VWA8: variants seen among roughly 807,000 people sequenced by gnomAD.
VWA8 encodes the protein von Willebrand factor A domain containing 8.
Under a neutral mutation model 241.5 loss-of-function variants are expected in VWA8, and 221 were observed. The observed-to-expected ratio is 0.91, with a 90% CI of 0.82 to 1.02. The LOEUF is 1.02. Among genes scored for constraint, VWA8 ranks in the 50% least tolerant of loss-of-function variants. The pLI is 0.00. For missense variants in VWA8, 2,322 were observed against 2,328.7 expected (o/e 1.00, Z 0.06); for synonymous variants, 852 against 827.1 (o/e 1.03, Z -0.52).
chr13:41,727,444 T>C (rs534176304), intron 23 of VWA8, 131 bp from the exon 24 acceptor site: 21 of 842,260 alleles, frequency 2.5e-5, no homozygotes, highest in Non-Finnish European at 3.0e-5. Context: ...TTGGCTGTGA[T>C]AACTTGGTTG....
chr13:41,774,123 A>AATTT lies in VWA8; in HGVS notation c.2349+3858_2349+3861dup, dbSNP rs780765968. On this transcript the variant is annotated intron_variant, in intron 20 of 44. Transcript: ENST00000379310. ...TAAATCATTTTGGCTACTCATTAGGAATTTATTTATTTATTTATTTATTAT... is the reference window on the plus strand; with the variant it reads ...TAAATCATTTTGGCTACTCATTAGGAATTTATTTATTTATTTATTTATTTATTAT... 1.3e-3 allele frequency among the ~76,000 whole-genome samples: 203 copies of AATTT among 151,984 alleles called. 3 individuals are homozygous for AATTT. The highest frequency in any genetic ancestry group is 1.5e-3 in the South Asian group (7 of 4,816).
rs144130438 is a variant in VWA8 at position 41,800,719 on chromosome 13, G to A, written c.2063+10506C>T. On this transcript the variant is annotated intron_variant, in intron 17 of 44. Coordinates refer to ENST00000379310, the MANE Select transcript of VWA8 (RefSeq NM_015058.2). ...GAGGCAGGAGAATGGCATGAACCTGGGAGGCAGAGCTTGTAGTGAGCTGAG... is the reference window on the plus strand; with the variant it reads ...GAGGCAGGAGAATGGCATGAACCTGAGAGGCAGAGCTTGTAGTGAGCTGAG... Among the ~76,000 whole-genome samples, 1,372 of 151,592 alleles carry A rather than the reference G, an allele frequency of 9.1e-3. 32 individuals are homozygous for A. The highest frequency in any genetic ancestry group is 0.03 in the African/African-American group (1,232 of 41,272).
Position 41,675,203 on chromosome 13 carries a change from G to GA in VWA8, c.4409+11dup, listed in dbSNP as rs752159713. On this transcript the variant is annotated intron_variant, in intron 36 of 44. Transcript: ENST00000379310. ...GACATACTAAGCTAAGAACAAAGGTGAAATGGATTACCTGGGAATAGGGAT... is the reference window on the plus strand; with the variant it reads ...GACATACTAAGCTAAGAACAAAGGTGAAAATGGATTACCTGGGAATAGGGAT... The GA allele has an allele frequency of 7.5e-6, 12 of 1,596,898 alleles. No homozygotes were observed. The South Asian group carries it at 1.2e-4, about 16-fold the overall frequency.
intron 42 of VWA8, among the ~76,000 whole-genome samples, chr13:41,585,724 C>T (rs891263953): frequency 5.9e-5 from 9 of 151,718 alleles, no homozygotes; most frequent in Admixed American, 5.3e-4. Flanking sequence ...ATTAGCCAGG[C>T]GTGGTGGCGG....
chr13:41,673,964 G>C (rs1042635797), intron 36 of VWA8, among the ~76,000 whole-genome samples: 8 of 152,132 alleles, frequency 5.3e-5, no homozygotes, highest in Non-Finnish European at 8.8e-5. Flanking sequence ...CAATGTTTTA[G>C]ATATGTTAAA....
intron 26 of VWA8, among the ~76,000 whole-genome samples, chr13:41,707,897 A>G (rs2045292303): frequency 6.6e-6 from 1 of 152,164 alleles, no homozygotes; most frequent in Non-Finnish European, 1.5e-5. Context: ...TCTGGGAAAA[A>G]TGAATTCCTT....
chr13:41,832,575 T>C (rs1264506271), intron 13 of VWA8, among the ~76,000 whole-genome samples: 1 of 151,968 alleles, frequency 6.6e-6, no homozygotes, highest in Non-Finnish European at 1.5e-5. Flanking sequence ...AAAAAAAAAC[T>C]CTAAGTGGTT....
rs112297676 is a variant in VWA8, at chr13:41,787,607, T to TACACACACACACACACAC, written c.2064-82_2064-65dup. 4.7e-4 allele frequency: 283 copies of TACACACACACACACACAC among 604,130 alleles called. No individual in the cohort carries two copies. In the African/African-American group the frequency reaches 5.1e-3, roughly 11 times the overall value. The allele number at this position is 604,130 out of a possible 1,614,324, so 37.4% of individuals were successfully genotyped here. A position where few individuals can be genotyped will look rare whatever the true frequency, so the allele number is the denominator to read the frequency against. On this transcript the variant is annotated intron_variant, in intron 17 of 44. Transcript: ENST00000379310. ...GTCAAAGCTTTCTGCGATTCTTAAATACACACACACACACACACACACACA... is the reference window on the plus strand; with the variant it reads ...GTCAAAGCTTTCTGCGATTCTTAAATACACACACACACACACACACACACACACACACACACACACACA...
intron 22 of VWA8, 113 bp from the exon 23 acceptor site, chr13:41,729,790 T>TACACGTAG: frequency 1.3e-6 from 1 of 772,610 alleles, no homozygotes; most frequent in Admixed American, 2.6e-5. Flanking sequence ...GTTACAAGTA[T>TACACGTAG]ACACGTAGAC....
chr13:41,657,718 T>C (rs1453328306), intron 37 of VWA8, among the ~76,000 whole-genome samples: 1 of 151,934 alleles, frequency 6.6e-6, no homozygotes, highest in African/African-American at 2.4e-5. Context: ...CTCGATCTCC[T>C]GACCTCATGA....
intron 21 of VWA8, among the ~76,000 whole-genome samples, chr13:41,753,359 T>C (rs545364097): frequency 5.7e-4 from 87 of 152,152 alleles, no homozygotes; most frequent in Non-Finnish European, 1.2e-3. Context: ...TTTAATCTTG[T>C]CTAAAATTTT....
chr13:41,911,498 T>C (rs1875996753), intron 3 of VWA8, among the ~76,000 whole-genome samples: 1 of 152,236 alleles, frequency 6.6e-6, no homozygotes, highest in African/African-American at 2.4e-5. Context: ...TCTAGCTCTA[T>C]TATTTACCAG....
chr13:41,778,967 G>A (rs949461230), intron 19 of VWA8, among the ~76,000 whole-genome samples: 2 of 146,306 alleles, frequency 1.4e-5, no homozygotes, highest in Admixed American at 1.4e-4. Flanking sequence ...TCAGCCTCCC[G>A]AGTAGCTGGG....
intron 29 of VWA8, among the ~76,000 whole-genome samples, chr13:41,696,354 C>T (rs1449618664): frequency 6.6e-6 from 1 of 152,200 alleles, no homozygotes; most frequent in Non-Finnish European, 1.5e-5. Context: ...ATATATTATG[C>T]AATACTTTTC....
chr13:41,569,686 A>T (rs2875448), intron 44 of VWA8, among the ~76,000 whole-genome samples: 1 of 144,854 alleles, frequency 6.9e-6, no homozygotes, highest in Non-Finnish European at 1.5e-5. Flanking sequence ...CTGGTGTTTT[A>T]TGTTTCTTAC....
intron 1 of VWA8, chr13:41,955,850 A>AATCAGTTG (rs570943372): frequency 8.1e-4 from 124 of 152,320 alleles, no homozygotes; most frequent in African/African-American, 2.8e-3. Context: ...GGTCAACCAC[A>AATCAGTTG]GGCTGCCAAC....
chr13:41,853,181 G>C (rs984155172), intron 12 of VWA8, among the ~76,000 whole-genome samples: 3 of 152,148 alleles, frequency 2.0e-5, no homozygotes, highest in Non-Finnish European at 2.9e-5. Flanking sequence ...ACATTGAATA[G>C]AGTGGTGACA....
At chr13:41,833,115 A>C (rs1871542905) in intron 13 of VWA8, among the ~76,000 whole-genome samples, 1 of 152,130 alleles carries the variant, frequency 6.6e-6, no homozygotes, top group Non-Finnish European at 1.5e-5. Flanking sequence ...CTACTGAAGC[A>C]CTTTCTTTTT....
chr13:41,874,890 C>G (rs1873823253), intron 9 of VWA8, among the ~76,000 whole-genome samples: 1 of 152,018 alleles, frequency 6.6e-6, no homozygotes, highest in South Asian at 2.1e-4. Context: ...AAATCTGAGC[C>G]CATTTACCAC....
Sources: gnomAD v4.1 joint callset for allele counts (sites outside exome capture counted in the v4.1 genomes callset) on GRCh38, gnomAD v4.1.1 for gene constraint, MANE v1.5 for transcripts, NCBI Gene and HGNC (gene_info 2026-07-23, HGNC 2026-07-21) for gene names.